RIT2: variants seen among roughly 807,000 people sequenced by gnomAD.
The protein encoded by RIT2 is GTP-binding protein Rit2.
A neutral mutation model predicts 23.7 loss-of-function variants in RIT2; 24 were observed. The observed-to-expected ratio is 1.01, with a 90% CI of 0.73 to 1.43. The LOEUF (loss-of-function observed/expected upper bound fraction) is 1.43, where lower values mean the gene tolerates loss of function less well. Among genes scored for constraint, RIT2 ranks in the 40% most tolerant of loss-of-function variants. The probability of loss-of-function intolerance (pLI) is 0.00; values close to 1 mark genes in which losing one functional copy is unlikely to be tolerated. For synonymous variants in RIT2, 107 were observed against 91.1 expected (o/e 1.17, Z -0.99); for missense variants, 236 against 266.9 (o/e 0.88, Z 0.81).
chr18:42,999,852 C>T (rs1911064656), intron 2 of RIT2, among the ~76,000 whole-genome samples: 1 of 152,024 alleles, frequency 6.6e-6, no homozygotes, highest in African/African-American at 2.4e-5. Context: ...CTTCTTATTT[C>T]TTCCTTTAAT....
rs1909114329 is a variant in RIT2 at position 42,923,780 on chromosome 18, A to AAT, written c.235-18_235-17insAT. The AAT allele has an allele frequency of 1.9e-6, 3 of 1,581,920 alleles. No individual in the cohort carries two copies. In the African/African-American group the frequency reaches 4.1e-5, roughly 22 times the overall value. On this transcript the variant is annotated splice_polypyrimidine_tract_variant and intron_variant, in intron 3 of 4. Coordinates refer to ENST00000326695, the MANE Select transcript of RIT2 (RefSeq NM_002930.4). ...GAATTCTGCCTGCAGGAAAAAAAAAAAAAAATTAGTTATGGGCTTTCAATA... is the reference window on the plus strand; with the variant it reads ...GAATTCTGCCTGCAGGAAAAAAAAAAATAAAAATTAGTTATGGGCTTTCAATA...
At chr18:42,966,620 A>G (rs887728698) in intron 3 of RIT2, among the ~76,000 whole-genome samples, 2 of 148,964 alleles carry the variant, frequency 1.3e-5, no homozygotes, top group Non-Finnish European at 2.9e-5. Flanking sequence ...TAAAATATGT[A>G]GTGAAGAAAT....
chr18:43,057,253 T>C (rs1912525297), intron 1 of RIT2, among the ~76,000 whole-genome samples: 1 of 152,154 alleles, frequency 6.6e-6, no homozygotes, highest in South Asian at 2.1e-4. Flanking sequence ...AGACCTATTT[T>C]CTGCCCTCTT....
chr18:43,060,287 T>C (rs764334109), intron 1 of RIT2, among the ~76,000 whole-genome samples: 3 of 152,158 alleles, frequency 2.0e-5, no homozygotes, highest in Admixed American at 6.5e-5. Flanking sequence ...CTCTGCCATA[T>C]GATGCTATCT....
intron 1 of RIT2, among the ~76,000 whole-genome samples, chr18:43,105,100 CTGTGTGTGTG>C (rs756311809): frequency 0.012 from 1,729 of 143,058 alleles, 36 homozygotes; most frequent in African/African-American, 0.041. Context: ...AGGCAGTGTG[CTGTGTGTGTG>C]TGTGTGTGTG....
chr18:43,026,357 C>T (rs933256517), intron 2 of RIT2, among the ~76,000 whole-genome samples: 8 of 151,820 alleles, frequency 5.3e-5, no homozygotes, highest in Non-Finnish European at 7.4e-5. Context: ...AGATTGAGAA[C>T]GTCCTGACCA....
chr18:43,037,927 G>A (rs559644217), intron 1 of RIT2, among the ~76,000 whole-genome samples: 3 of 152,042 alleles, frequency 2.0e-5, no homozygotes, highest in Admixed American at 6.6e-5. Context: ...GTTTCAGGCC[G>A]GACGCCGTGG....
chr18:43,028,397 AAG>A (rs1048709729), intron 2 of RIT2, among the ~76,000 whole-genome samples: 2 of 152,048 alleles, frequency 1.3e-5, no homozygotes, highest in Non-Finnish European at 2.9e-5. Flanking sequence ...GGCATATTTA[AAG>A]AACTAACGGG....
chr18:42,820,609 C>A (rs905774014), intron 4 of RIT2, among the ~76,000 whole-genome samples: 1 of 152,096 alleles, frequency 6.6e-6, no homozygotes, highest in African/African-American at 2.4e-5. Flanking sequence ...TTTGCCTTCG[C>A]CCTTGTACTG....
intron 1 of RIT2, among the ~76,000 whole-genome samples, chr18:43,053,155 G>A (rs981687340): frequency 6.6e-6 from 1 of 152,004 alleles, no homozygotes; most frequent in African/African-American, 2.4e-5. Context: ...CTCCTTGTTA[G>A]CTGTGTGGAT....
At chr18:42,992,231 CTTA>C (rs1417176174) in intron 2 of RIT2, among the ~76,000 whole-genome samples, 3 of 152,140 alleles carry the variant, frequency 2.0e-5, no homozygotes, top group Non-Finnish European at 4.4e-5. Context: ...ACCTAAATGC[CTTA>C]TTTTCTTCTA....
chr18:42,917,650 A>G (rs1908946961), intron 4 of RIT2, among the ~76,000 whole-genome samples: 1 of 152,146 alleles, frequency 6.6e-6, no homozygotes, highest in South Asian at 2.1e-4. Flanking sequence ...CAAATGTTTT[A>G]AACAATTGTT....
chr18:43,018,062 A>G lies in RIT2; in HGVS notation c.160+15749T>C, dbSNP rs77783832. On this transcript the variant is annotated intron_variant, in intron 2 of 4. Coordinates refer to ENST00000326695, the MANE Select transcript of RIT2 (RefSeq NM_002930.4). The stretch of plus-strand genomic sequence containing the variant: ...TTTTGTACCACATAAAGAGTTAGTA[A>G]GGGGGTGCCCTAGTAAGTTGGGCTC... Among the ~76,000 whole-genome samples the G allele has an allele frequency of 5.8e-3, 888 of 152,174 alleles. 12 individuals carry two copies. The highest frequency in any genetic ancestry group is 0.02 in the African/African-American group (846 of 41,556).
intron 1 of RIT2, among the ~76,000 whole-genome samples, chr18:43,106,873 G>A (rs556992722): frequency 2.6e-5 from 4 of 152,348 alleles, no homozygotes; most frequent in Admixed American, 1.3e-4. Flanking sequence ...GCTGAGCAAT[G>A]AGAAGGACAG....
chr18:42,795,203 G>C (rs1019064296), intron 4 of RIT2, among the ~76,000 whole-genome samples: 2 of 152,204 alleles, frequency 1.3e-5, no homozygotes, highest in African/African-American at 4.8e-5. Flanking sequence ...TTCTGGGCTG[G>C]CCAAGGCCGG....
intron 3 of RIT2, among the ~76,000 whole-genome samples, chr18:42,924,414 GT>G (rs748255099): frequency 4.0e-5 from 6 of 151,864 alleles, no homozygotes; most frequent in Non-Finnish European, 5.9e-5. Context: ...GGATGGATCA[GT>G]TTCTACATTC....
intron 2 of RIT2, among the ~76,000 whole-genome samples, chr18:42,978,648 A>C (rs1410328774): frequency 6.6e-6 from 1 of 152,158 alleles, no homozygotes; most frequent in Non-Finnish European, 1.5e-5. Context: ...TCATTTGCGC[A>C]GAAAAGCACA....
At chr18:42,940,452 C>T (rs1352950430) in intron 3 of RIT2, among the ~76,000 whole-genome samples, 1 of 151,230 alleles carries the variant, frequency 6.6e-6, no homozygotes, top group Non-Finnish European at 1.5e-5. Flanking sequence ...CCTCTCTTCA[C>T]AGGGGCACTG....
intron 1 of RIT2, among the ~76,000 whole-genome samples, chr18:43,114,064 C>T (rs1005887933): frequency 3.9e-5 from 6 of 152,146 alleles, no homozygotes; most frequent in South Asian, 4.2e-4. Flanking sequence ...ATTTTGATTC[C>T]TTCCTTCTCA....
Sources: gnomAD v4.1 joint callset for allele counts (sites outside exome capture counted in the v4.1 genomes callset) on GRCh38, gnomAD v4.1.1 for gene constraint, MANE v1.5 for transcripts, NCBI Gene and HGNC (gene_info 2026-07-23, HGNC 2026-07-21) for gene names.